Variants in IQCM observed in about 807,000 individuals in gnomAD.
IQCM encodes IQ motif containing M.
IQCM carries 45 observed loss-of-function variants against 57.6 expected under a neutral mutation model. The observed-to-expected ratio is 0.78, with a 90% CI of 0.62 to 1.00. The LOEUF is 1.00. Among genes scored for constraint, IQCM ranks in the 50% least tolerant of loss-of-function variants. The probability of loss-of-function intolerance (pLI) is 0.00; values close to 1 mark genes in which losing one functional copy is unlikely to be tolerated. For missense variants in IQCM, 468 were observed against 511.6 expected (o/e 0.91, Z 0.82); for synonymous variants, 148 against 158.9 (o/e 0.93, Z 0.51).
chr4:149,552,603 T>C (rs1446636112), intron 11 of IQCM, among the ~76,000 whole-genome samples: 1 of 152,194 alleles, frequency 6.6e-6, no homozygotes, highest in Non-Finnish European at 1.5e-5. Flanking sequence ...TATTCTGGTA[T>C]ATACAATTTT....
intron 2 of IQCM, among the ~76,000 whole-genome samples, chr4:149,801,417 T>C (rs1165513810): frequency 1.3e-5 from 2 of 152,012 alleles, no homozygotes; most frequent in Admixed American, 1.3e-4. Flanking sequence ...AGGAGATCCG[T>C]ATATCAAAGA....
intron 7 of IQCM, among the ~76,000 whole-genome samples, chr4:149,652,476 AC>A (rs1331936663): frequency 1.3e-5 from 2 of 152,138 alleles, no homozygotes; most frequent in South Asian, 2.1e-4. Flanking sequence ...AAGAAAAAAA[AC>A]AAACCATAGC....
intron 7 of IQCM, among the ~76,000 whole-genome samples, chr4:149,638,283 A>C (rs1430744506): frequency 1.3e-5 from 2 of 152,210 alleles, no homozygotes; most frequent in Non-Finnish European, 1.5e-5. Context: ...AATGTAGAAG[A>C]GGATGTGGAG....
intron 7 of IQCM, among the ~76,000 whole-genome samples, chr4:149,662,031 A>G (rs1035043623): frequency 2.0e-5 from 3 of 151,712 alleles, no homozygotes; most frequent in African/African-American, 7.3e-5. Flanking sequence ...GTGCATTATC[A>G]TGTTGTTTAT....
intron 12 of IQCM, among the ~76,000 whole-genome samples, chr4:149,545,766 T>C (rs1285429427): frequency 6.6e-6 from 1 of 151,738 alleles, no homozygotes; most frequent in Non-Finnish European, 1.5e-5. Context: ...ATAGCCAAGA[T>C]AAGAAAGCAA....
At chr4:149,542,447 G>A (rs1379652084) in intron 12 of IQCM, among the ~76,000 whole-genome samples, 1 of 152,002 alleles carries the variant, frequency 6.6e-6, no homozygotes, top group Non-Finnish European at 1.5e-5. Flanking sequence ...TCTGCACATA[G>A]TAGAATGGAA....
chr4:149,645,061 A>G (rs1468617358), intron 7 of IQCM, among the ~76,000 whole-genome samples: 2 of 152,202 alleles, frequency 1.3e-5, no homozygotes, highest in Admixed American at 6.5e-5. Context: ...GCATCTTTCT[A>G]TAAGTTTATA....
chr4:149,581,978 G>A (rs1752226602), intron 9 of IQCM, among the ~76,000 whole-genome samples: 2 of 151,522 alleles, frequency 1.3e-5, no homozygotes, highest in African/African-American at 4.8e-5. Flanking sequence ...GAGGTTTGGT[G>A]GGGAATTGTT....
At chr4:149,431,875 C>T (rs1454931078) in intron 13 of IQCM, among the ~76,000 whole-genome samples, 2 of 151,686 alleles carry the variant, frequency 1.3e-5, no homozygotes, top group Admixed American at 1.3e-4. Flanking sequence ...CATTCATTCA[C>T]CAGTTGAAGA....
intron 7 of IQCM, among the ~76,000 whole-genome samples, chr4:149,637,149 C>CA (rs758838297): frequency 6.6e-3 from 251 of 38,114 alleles, no homozygotes; most frequent in East Asian, 0.023. Flanking sequence ...GACTCCGTCT[C>CA]AAAAAAAAAA....
Position 149,630,136 on chromosome 4 carries a change from A to G in IQCM, c.566-8892T>C, listed in dbSNP as rs571708680. ...TACAAAGTGAAAACTCTTGATTAAG[A>G]AAATCAGAGGTCCTGATGACAAGTC... is the stretch of plus-strand genomic sequence containing the variant. On this transcript the variant is annotated intron_variant, in intron 7 of 13. Transcript: ENST00000636793. Among the ~76,000 whole-genome samples, 3 of 152,332 alleles carry G rather than the reference A, an allele frequency of 2.0e-5. No individual in the cohort carries two copies. In the East Asian group the frequency reaches 5.8e-4, roughly 29 times the overall value.
chr4:149,471,731 T>C (rs921406217), intron 12 of IQCM, among the ~76,000 whole-genome samples: 1 of 152,166 alleles, frequency 6.6e-6, no homozygotes. Flanking sequence ...AATAAAATAC[T>C]GGCAAACCAA....
chr4:149,597,510 C>T (rs981178967), intron 8 of IQCM, among the ~76,000 whole-genome samples: 7 of 152,130 alleles, frequency 4.6e-5, no homozygotes, highest in African/African-American at 1.7e-4. Flanking sequence ...CCTGCCTCAG[C>T]CTCCCGAGTA....
At chr4:149,444,304 AT>A (rs1313352685) in intron 12 of IQCM, among the ~76,000 whole-genome samples, 2 of 151,920 alleles carry the variant, frequency 1.3e-5, no homozygotes, top group African/African-American at 4.8e-5. Flanking sequence ...GTTTAAGCTG[AT>A]TTCTAGATCA....
At chr4:149,661,405 G>A (rs1760197870) in intron 7 of IQCM, among the ~76,000 whole-genome samples, 1 of 152,094 alleles carries the variant, frequency 6.6e-6, no homozygotes, top group South Asian at 2.1e-4. Context: ...CAAGGATATT[G>A]AATTGTAGTT....
intron 2 of IQCM, among the ~76,000 whole-genome samples, chr4:149,752,539 A>G (rs1768551003): frequency 7.4e-6 from 1 of 135,930 alleles, no homozygotes; most frequent in South Asian, 2.4e-4. Context: ...TAACAGAATG[A>G]GACTCTGTCT....
intron 2 of IQCM, among the ~76,000 whole-genome samples, chr4:149,797,537 C>T (rs1580325002): frequency 6.6e-6 from 1 of 151,704 alleles, no homozygotes; most frequent in African/African-American, 2.4e-5. Flanking sequence ...ATAGGATATC[C>T]AATATCCTAC....
At chr4:149,749,121 G>A (rs1270522827) in intron 2 of IQCM, among the ~76,000 whole-genome samples, 1 of 152,146 alleles carries the variant, frequency 6.6e-6, no homozygotes, top group Non-Finnish European at 1.5e-5. Flanking sequence ...CTGTTGCAGT[G>A]TTAGTTGGTA....
chr4:149,516,487 G>A (rs1455878207), intron 12 of IQCM, among the ~76,000 whole-genome samples: 3 of 152,176 alleles, frequency 2.0e-5, no homozygotes, highest in South Asian at 4.1e-4. Context: ...GAAGCAGCTG[G>A]ATTGACAGAA....
Sources: allele counts gnomAD v4.1 joint callset (sites outside exome capture counted in the v4.1 genomes callset), GRCh38; gene constraint gnomAD v4.1.1; transcripts MANE v1.5; gene names NCBI Gene and HGNC (gene_info 2026-07-23, HGNC 2026-07-21).